Variants in PPP1R13B observed in about 807,000 individuals in gnomAD.
PPP1R13B encodes protein phosphatase 1 regulatory subunit 13B, also known as apoptosis-stimulating of p53 protein 1.
PPP1R13B carries 44 observed loss-of-function variants against 119.8 expected under a neutral mutation model. The ratio of observed to expected loss-of-function variants is 0.37; its 90% CI spans 0.29 to 0.47. PPP1R13B has a LOEUF of 0.47. Among genes scored for constraint, PPP1R13B ranks in the 20% least tolerant of loss-of-function variants. The pLI, the probability that PPP1R13B is intolerant of heterozygous loss-of-function variation, is 0.99. For synonymous variants in PPP1R13B, 542 were observed against 561.5 expected (o/e 0.97, Z 0.49); for missense variants, 1,227 against 1,413.5 (o/e 0.87, Z 2.12).
chr14:103,840,790 CAA>C (rs34293851), intron 1 of PPP1R13B, among the ~76,000 whole-genome samples: 1 of 137,320 alleles, frequency 7.3e-6, no homozygotes. Flanking sequence ...GACTTCCTCT[CAA>C]AAAAAAAAAG....
At chr14:103,847,092 C>A (rs1164114268) in intron 1 of PPP1R13B, 5 of 987,942 alleles carry the variant, frequency 5.1e-6, no homozygotes, top group Admixed American at 6.1e-5. Context: ...GGCCCGCAGG[C>A]GGCCCCGGCC....
intron 1 of PPP1R13B, among the ~76,000 whole-genome samples, chr14:103,839,578 G>A (rs2086856828): frequency 6.7e-6 from 1 of 149,458 alleles, no homozygotes; most frequent in South Asian, 2.1e-4. Flanking sequence ...GGTGACCCAA[G>A]ATCATGCCAC....
At chr14:103,786,766 C>CAAAA (rs1174732049) in intron 2 of PPP1R13B, among the ~76,000 whole-genome samples, 15,469 of 44,388 alleles carry the variant, frequency 0.35, 3,138 homozygotes, top group Non-Finnish European at 0.42. Flanking sequence ...AACTCTGTCT[C>CAAAA]AAAAAAAAAA....
chr14:103,734,894 T>G lies in PPP1R13B; in HGVS notation c.*260A>C. 1 of 594,304 alleles carries G rather than the reference T, an allele frequency of 1.7e-6. No individual in the cohort carries two copies. The highest frequency in any genetic ancestry group is 3.1e-6 in the Non-Finnish European group (1 of 319,116). 36.8% of individuals were successfully genotyped at this position (594,304 alleles called of 1,614,324 possible). A position where few individuals can be genotyped will look rare whatever the true frequency, so the allele number is the denominator to read the frequency against. Reference sequence around the variant, plus strand: ...TCTTAATGGCAAGAGGGGTGGGTGTTTTGAAAGTGGGTATTTATTTGGATT... The same window carrying G: ...TCTTAATGGCAAGAGGGGTGGGTGTGTTGAAAGTGGGTATTTATTTGGATT... On this transcript the variant is annotated 3_prime_UTR_variant, in exon 17 of 17. Transcript: ENST00000202556.
chr14:103,838,210 G>GCACACACACACA (rs10640450), intron 1 of PPP1R13B, among the ~76,000 whole-genome samples: 3 of 149,374 alleles, frequency 2.0e-5, no homozygotes, highest in Non-Finnish European at 4.5e-5. Context: ...CTCTGTTATG[G>GCACACACACACA]CACACACACA....
intron 1 of PPP1R13B, among the ~76,000 whole-genome samples, chr14:103,816,798 T>C (rs938908371): frequency 6.6e-6 from 1 of 152,166 alleles, no homozygotes; most frequent in Non-Finnish European, 1.5e-5. Context: ...CAGTAGCAAC[T>C]GGGGCTTAAA....
chr14:103,781,454 T>G (rs2085332708), intron 3 of PPP1R13B, among the ~76,000 whole-genome samples: 2 of 152,134 alleles, frequency 1.3e-5, no homozygotes, highest in Non-Finnish European at 2.9e-5. Context: ...GAAAGATGAT[T>G]TTAAAGTAGA....
rs1233098807 is a variant in PPP1R13B at position 103,753,072 on chromosome 14, C to A, written c.756G>T (p.Gly252=). The A allele has an allele frequency of 8.1e-6, 13 of 1,614,044 alleles. No individual in the cohort carries two copies. Among genetic ancestry groups the A allele is most frequent in the Non-Finnish European group, 1.1e-5 (13 of 1,180,062 alleles). Residue 252 remains glycine, a synonymous_variant, in exon 7 of 17, where the codon GGG becomes GGT. Transcript: ENST00000202556. ...TCAATTTGCCATTGTAAGACTGGAA[C>A]CCATTCAGTTTTCCTTTCTTTAAAT... ...LEDLKKGKLN[G]FQSYNGKLTG... is the part of the protein sequence containing the mutation.
At chr14:103,787,389 G>C (rs998740914) in intron 2 of PPP1R13B, among the ~76,000 whole-genome samples, 1 of 151,834 alleles carries the variant, frequency 6.6e-6, no homozygotes, top group African/African-American at 2.4e-5. Context: ...TGGAGGTTGT[G>C]GACAGCTGAG....
At chr14:103,792,337 C>T (rs1488495810) in intron 2 of PPP1R13B, among the ~76,000 whole-genome samples, 1 of 152,030 alleles carries the variant, frequency 6.6e-6, no homozygotes, top group African/African-American at 2.4e-5. Flanking sequence ...GCCACCACGC[C>T]CAGCTAATTT....
intron 1 of PPP1R13B, among the ~76,000 whole-genome samples, chr14:103,804,551 C>T (rs2085973338): frequency 6.6e-6 from 1 of 152,056 alleles, no homozygotes; most frequent in South Asian, 2.1e-4. Flanking sequence ...GGTGAGACCC[C>T]ATCTCTACTA....
At chr14:103,785,498 G>A (rs954511492) in intron 2 of PPP1R13B, among the ~76,000 whole-genome samples, 21 of 149,914 alleles carry the variant, frequency 1.4e-4, no homozygotes, top group African/African-American at 5.2e-4. Flanking sequence ...GATTATAGGC[G>A]TGAGCCATCA....
chr14:103,845,203 C>T (rs562172719), intron 1 of PPP1R13B, among the ~76,000 whole-genome samples: 1 of 149,148 alleles, frequency 6.7e-6, no homozygotes, highest in East Asian at 1.9e-4. Flanking sequence ...ACCAAATATA[C>T]AATAAATCGA....
intron 1 of PPP1R13B, among the ~76,000 whole-genome samples, chr14:103,828,023 G>C (rs1203852421): frequency 6.6e-6 from 1 of 152,020 alleles, no homozygotes; most frequent in Non-Finnish European, 1.5e-5. Context: ...ACCACACAAA[G>C]AGACTAAAAT....
At chr14:103,765,438 C>T (rs1317016646) in intron 4 of PPP1R13B, among the ~76,000 whole-genome samples, 1 of 152,126 alleles carries the variant, frequency 6.6e-6, no homozygotes, top group East Asian at 1.9e-4. Context: ...CTCCACCAAA[C>T]TCCTCTCTCT....
At position 103,846,938 on chromosome 14, in the gene PPP1R13B, G is replaced by A. The variant is rs899678785; in HGVS notation, c.9+361C>T. 4.2e-6 allele frequency: 5 copies of A among 1,183,774 alleles called. No homozygotes were observed. The South Asian group carries it at 4.3e-5, about 10-fold the overall frequency. 73.3% of individuals were successfully genotyped at this position (1,183,774 alleles called of 1,614,324 possible). A position where few individuals can be genotyped will look rare whatever the true frequency, so the allele number is the denominator to read the frequency against. Reference sequence around the variant, plus strand: ...CCCGCCGACTCCCAGGGCGACCCCAGAACGTTCGTTTCAGGCGGGTCACAG... The same window carrying A: ...CCCGCCGACTCCCAGGGCGACCCCAAAACGTTCGTTTCAGGCGGGTCACAG... On this transcript the variant is annotated intron_variant, in intron 1 of 16. Transcript: ENST00000202556.
rs748051072 is a variant in PPP1R13B, at chr14:103,749,946, A to G, written c.829-12T>C. The stretch of plus-strand genomic sequence containing the variant: ...AGTTGGTTACGAATCTACAAACCAC[A>G]AAATACAACCTTTATGATTTGTGTT... On this transcript the variant is annotated splice_polypyrimidine_tract_variant and intron_variant, in intron 7 of 16. Transcript: ENST00000202556. The G allele has an allele frequency of 1.2e-6, 2 of 1,610,514 alleles. No homozygotes were observed. Among genetic ancestry groups the G allele is most frequent in the Admixed American group, 3.4e-5 (2 of 58,942 alleles).
chr14:103,791,971 G>A (rs1247560083), intron 2 of PPP1R13B, among the ~76,000 whole-genome samples: 1 of 151,790 alleles, frequency 6.6e-6, no homozygotes, highest in Non-Finnish European at 1.5e-5. Context: ...TTTATTTTTA[G>A]TTGTTTTACT....
At chr14:103,768,958 C>T (rs2085001173) in intron 4 of PPP1R13B, among the ~76,000 whole-genome samples, 1 of 152,150 alleles carries the variant, frequency 6.6e-6, no homozygotes, top group Non-Finnish European at 1.5e-5. Context: ...AAAAATTAGA[C>T]CAAATGTCTA....
Sources: gnomAD v4.1 joint callset for allele counts (sites outside exome capture counted in the v4.1 genomes callset) on GRCh38, gnomAD v4.1.1 for gene constraint, MANE v1.5 for transcripts, NCBI Gene and HGNC (gene_info 2026-07-23, HGNC 2026-07-21) for gene names.